The following SRPK2 variants were observed in gnomAD, a reference collection of about 807,000 sequenced individuals.
SRPK2 encodes the protein SFRS protein kinase 2.
Under a neutral mutation model 90.8 loss-of-function variants are expected in SRPK2, and 21 were observed. The observed-to-expected ratio is 0.23, with a 90% CI of 0.16 to 0.33. The LOEUF is 0.33. Among genes scored for constraint, SRPK2 ranks in the 10% least tolerant of loss-of-function variants. SRPK2 has a pLI of 1.00. For synonymous variants in SRPK2, 288 were observed against 311.1 expected (o/e 0.93, Z 0.78); for missense variants, 620 against 869.0 (o/e 0.71, Z 3.60).
At chr7:105,229,053 A>T (rs1259387522) in intron 2 of SRPK2, among the ~76,000 whole-genome samples, 2 of 152,084 alleles carry the variant, frequency 1.3e-5, no homozygotes, top group Non-Finnish European at 2.9e-5. Context: ...TAGCTGTTTT[A>T]AAAAGGCTGG....
At chr7:105,140,520 G>A (rs1803577100) in intron 11 of SRPK2, among the ~76,000 whole-genome samples, 1 of 151,918 alleles carries the variant, frequency 6.6e-6, no homozygotes, top group South Asian at 2.1e-4. Context: ...AGAATTGCTT[G>A]AGTTCAGGAG....
chr7:105,238,443 GT>G (rs1251650334), intron 2 of SRPK2, among the ~76,000 whole-genome samples: 1 of 152,190 alleles, frequency 6.6e-6, no homozygotes, highest in Admixed American at 6.5e-5. Flanking sequence ...CCCACTGGTG[GT>G]GACTCTCCAA....
chr7:105,204,481 C>T (rs1795952324), intron 2 of SRPK2: 1 of 345,106 alleles, frequency 2.9e-6, no homozygotes, highest in Admixed American at 3.8e-5. Flanking sequence ...ACTTACTATT[C>T]CTAACCATGC....
intron 2 of SRPK2, among the ~76,000 whole-genome samples, chr7:105,246,581 G>C (rs1454836000): frequency 6.6e-6 from 1 of 152,188 alleles, no homozygotes; most frequent in African/African-American, 2.4e-5. Context: ...CAGATGAGAA[G>C]AGCAACAGAC....
At chr7:105,141,764 CTAAA>C (rs1242107525) in intron 11 of SRPK2, among the ~76,000 whole-genome samples, 1 of 152,138 alleles carries the variant, frequency 6.6e-6, no homozygotes, top group African/African-American at 2.4e-5. Context: ...ATGCTGCTGA[CTAAA>C]TATATTAAAA....
chr7:105,148,784 TCCAGCCACTTTGAC>T (rs1016043580), intron 7 of SRPK2, among the ~76,000 whole-genome samples: 2 of 152,130 alleles, frequency 1.3e-5, no homozygotes, highest in African/African-American at 4.8e-5. Context: ...GCCACTTTGC[TCCAGCCACTTTGAC>T]CCAACCTGGA....
intron 2 of SRPK2, among the ~76,000 whole-genome samples, chr7:105,220,293 C>T (rs910585535): frequency 2.6e-5 from 4 of 152,030 alleles, no homozygotes; most frequent in Admixed American, 6.6e-5. Flanking sequence ...AACCGGGAGG[C>T]GGAGGCGGGC....
At chr7:105,340,898 T>G (rs1163344288) in intron 2 of SRPK2, among the ~76,000 whole-genome samples, 2 of 152,198 alleles carry the variant, frequency 1.3e-5, no homozygotes, top group Admixed American at 6.5e-5. Context: ...AAGACTTTTC[T>G]AATGAGATAT....
chr7:105,146,268 C>A (rs1229579101), intron 8 of SRPK2, among the ~76,000 whole-genome samples: 1 of 152,200 alleles, frequency 6.6e-6, no homozygotes, highest in Non-Finnish European at 1.5e-5. Flanking sequence ...GCAGCAACTA[C>A]AAATTTAAAT....
chr7:105,291,044 C>CAAAAAAAAAAAA (rs10684672), intron 2 of SRPK2, among the ~76,000 whole-genome samples: 2 of 83,794 alleles, frequency 2.4e-5, no homozygotes, highest in East Asian at 3.8e-4. Context: ...GACTCCGTCT[C>CAAAAAAAAAAAA]AAAAAAAAAA....
At chr7:105,374,854 G>A (rs190107155) in intron 2 of SRPK2, among the ~76,000 whole-genome samples, 344 of 152,068 alleles carry the variant, frequency 2.3e-3, no homozygotes, top group African/African-American at 7.7e-3. Flanking sequence ...TGATCCACCC[G>A]CCTCGGCCTC....
At chr7:105,396,065 G>A (rs1009237069) in intron 1 of SRPK2, among the ~76,000 whole-genome samples, 25 of 152,004 alleles carry the variant, frequency 1.6e-4, no homozygotes, top group Non-Finnish European at 3.1e-4. Context: ...ACAGGCATGC[G>A]CCACCACACC....
At chr7:105,337,192 G>T (rs1815193534) in intron 2 of SRPK2, among the ~76,000 whole-genome samples, 1 of 152,160 alleles carries the variant, frequency 6.6e-6, no homozygotes, top group Admixed American at 6.6e-5. Context: ...GCTGTGGGCT[G>T]AATTGTGTCC....
chr7:105,362,800 T>C (rs1818586590), intron 2 of SRPK2, among the ~76,000 whole-genome samples: 1 of 152,200 alleles, frequency 6.6e-6, no homozygotes, highest in South Asian at 2.1e-4. Flanking sequence ...CCAACCCAAA[T>C]GTCCATCAGT....
At chr7:105,363,171 G>A (rs1490980780) in intron 2 of SRPK2, among the ~76,000 whole-genome samples, 1 of 151,596 alleles carries the variant, frequency 6.6e-6, no homozygotes, top group Non-Finnish European at 1.5e-5. Flanking sequence ...ATGTACCCTA[G>A]AACTTAAAGT....
rs551571074 is a variant in SRPK2 at position 105,168,246 on chromosome 7, A to G, written c.339-151T>C. 292 of 619,128 alleles carry G rather than the reference A, an allele frequency of 4.7e-4. 2 individuals are homozygous for G. In the African/African-American group the frequency reaches 5.2e-3, roughly 11 times the overall value. 38.4% of individuals were successfully genotyped at this position (619,128 alleles called of 1,614,324 possible). A position where few individuals can be genotyped will look rare whatever the true frequency, so the allele number is the denominator to read the frequency against. On this transcript the variant is annotated intron_variant, in intron 4 of 15. Transcript: ENST00000393651. ...TATGAGTGTGTCAACACGATGCCACAGTGTAAAATTCCACCTCTGACTGCA... is the reference window on the plus strand; with the variant it reads ...TATGAGTGTGTCAACACGATGCCACGGTGTAAAATTCCACCTCTGACTGCA...
chr7:105,211,660 T>C (rs1040261900), intron 2 of SRPK2, among the ~76,000 whole-genome samples: 9 of 152,122 alleles, frequency 5.9e-5, no homozygotes, highest in Non-Finnish European at 1.2e-4. Flanking sequence ...TCTACCCCCA[T>C]GATCCAATCA....
intron 2 of SRPK2, among the ~76,000 whole-genome samples, chr7:105,256,928 G>C (rs1401775590): frequency 1.3e-5 from 2 of 152,202 alleles, no homozygotes; most frequent in Admixed American, 6.5e-5. Flanking sequence ...AAGTTTCCCA[G>C]AAGTGCAATT....
chr7:105,229,892 T>C (rs972195666), intron 2 of SRPK2, among the ~76,000 whole-genome samples: 1 of 152,192 alleles, frequency 6.6e-6, no homozygotes, highest in Admixed American at 6.5e-5. Flanking sequence ...AGGCAAAAAC[T>C]GCACGACAGT....
Sources: gnomAD v4.1 joint callset for allele counts (sites outside exome capture counted in the v4.1 genomes callset) on GRCh38, gnomAD v4.1.1 for gene constraint, MANE v1.5 for transcripts, NCBI Gene and HGNC (gene_info 2026-07-23, HGNC 2026-07-21) for gene names.